The following CSMD1 variants were observed in gnomAD, a reference collection of about 807,000 sequenced individuals.
The protein encoded by CSMD1 is CUB and Sushi multiple domains 1.
Under a neutral mutation model 417.5 loss-of-function variants are expected in CSMD1, and 213 were observed. The ratio of observed to expected loss-of-function variants is 0.51; its 90% CI spans 0.46 to 0.57. The LOEUF (loss-of-function observed/expected upper bound fraction) is 0.57, where lower values mean the gene tolerates loss of function less well. Ranked by LOEUF, CSMD1 falls within the 20% of genes least tolerant of loss-of-function variation. CSMD1 has a pLI of 0.00. For synonymous variants in CSMD1, 2,862 were observed against 1,736.8 expected (o/e 1.65, Z -16.11); for missense variants, 6,923 against 4,529.7 (o/e 1.53, Z -15.17).
chr8:4,366,690 TTTTTTC>T (rs1483716594), intron 3 of CSMD1, among the ~76,000 whole-genome samples: 40 of 152,078 alleles, frequency 2.6e-4, no homozygotes, highest in African/African-American at 8.2e-4. Context: ...CTGATGAGCG[TTTTTTC>T]TTTTTCTTTT....
intron 1 of CSMD1, among the ~76,000 whole-genome samples, chr8:4,978,327 TA>T (rs1407365491): frequency 6.6e-6 from 1 of 152,124 alleles, no homozygotes; most frequent in Non-Finnish European, 1.5e-5. Flanking sequence ...CAGGACACTC[TA>T]ATCTTGGAAT....
chr8:4,159,649 C>T (rs1379950047), intron 3 of CSMD1, among the ~76,000 whole-genome samples: 7 of 152,114 alleles, frequency 4.6e-5, no homozygotes, highest in East Asian at 1.9e-4. Context: ...AGCACAGTGG[C>T]GCGATCTCGG....
At chr8:3,670,413 G>A (rs73181199) in intron 7 of CSMD1, among the ~76,000 whole-genome samples, 1 of 150,626 alleles carries the variant, frequency 6.6e-6, no homozygotes, top group Non-Finnish European at 1.5e-5. Flanking sequence ...GTGAACATGT[G>A]AGTTAAAACC....
intron 3 of CSMD1, among the ~76,000 whole-genome samples, chr8:4,077,098 C>A (rs920320740): frequency 2.0e-5 from 3 of 151,606 alleles, no homozygotes; most frequent in African/African-American, 4.8e-5. Flanking sequence ...ATATTTTAAG[C>A]CCCTACTTCA....
At chr8:4,985,001 T>C (rs905569632) in intron 1 of CSMD1, among the ~76,000 whole-genome samples, 7 of 152,130 alleles carry the variant, frequency 4.6e-5, no homozygotes, top group African/African-American at 1.7e-4. Flanking sequence ...TTGTTAAAAA[T>C]GTGATGTAGC....
chr8:3,539,793 T>C (rs1280484244), intron 10 of CSMD1, among the ~76,000 whole-genome samples: 1 of 145,120 alleles, frequency 6.9e-6, no homozygotes, highest in Non-Finnish European at 1.5e-5. Context: ...AGAAAGAAAA[T>C]GCCTACAAAA....
intron 7 of CSMD1, among the ~76,000 whole-genome samples, chr8:3,622,059 C>A (rs1796278307): frequency 6.6e-6 from 1 of 151,262 alleles, no homozygotes; most frequent in Non-Finnish European, 1.5e-5. Context: ...TACTCTACTA[C>A]TTTTCTCTTC....
At chr8:4,956,147 G>C (rs1278426339) in intron 1 of CSMD1, among the ~76,000 whole-genome samples, 1 of 152,046 alleles carries the variant, frequency 6.6e-6, no homozygotes, top group African/African-American at 2.4e-5. Context: ...GGATGACAGA[G>C]TTATCATTTT....
intron 3 of CSMD1, among the ~76,000 whole-genome samples, chr8:4,255,216 G>C (rs753047427): frequency 9.2e-5 from 14 of 152,094 alleles, no homozygotes; most frequent in Non-Finnish European, 1.9e-4. Flanking sequence ...TATAAGCAGC[G>C]CATGCAGTCC....
chr8:4,431,199 C>G (rs761163630), intron 2 of CSMD1, among the ~76,000 whole-genome samples: 4 of 151,918 alleles, frequency 2.6e-5, no homozygotes, highest in Non-Finnish European at 4.4e-5. Flanking sequence ...AGAGTTTATT[C>G]CAGGTCTGTT....
At chr8:3,606,653 C>T (rs2170478) in intron 8 of CSMD1, among the ~76,000 whole-genome samples, 126,486 of 151,602 alleles carry the variant, frequency 0.83, 53,006 homozygotes, top group Middle Eastern at 0.9. Context: ...TTTATTAATG[C>T]TTTTCTTTCT....
At chr8:4,546,760 T>C (rs1216068929) in intron 2 of CSMD1, among the ~76,000 whole-genome samples, 2 of 152,088 alleles carry the variant, frequency 1.3e-5, no homozygotes, top group African/African-American at 2.4e-5. Flanking sequence ...TGTGTATGCA[T>C]ATAAATTATA....
chr8:4,453,602 T>C (rs1005361500), intron 2 of CSMD1, among the ~76,000 whole-genome samples: 1 of 152,182 alleles, frequency 6.6e-6, no homozygotes, highest in Admixed American at 6.5e-5. Flanking sequence ...CTGCTGTGAA[T>C]CGACAGCACA....
intron 10 of CSMD1, among the ~76,000 whole-genome samples, chr8:3,571,410 T>C (rs1176332751): frequency 1.3e-5 from 2 of 152,170 alleles, no homozygotes; most frequent in African/African-American, 4.8e-5. Flanking sequence ...AGAACATATA[T>C]TGTTCTGAAC....
intron 5 of CSMD1, among the ~76,000 whole-genome samples, chr8:3,985,133 C>T (rs1814222046): frequency 6.6e-6 from 1 of 152,018 alleles, no homozygotes; most frequent in Non-Finnish European, 1.5e-5. Context: ...AGATCATGTA[C>T]TTCAGGAGAG....
chr8:4,628,362 ATGTG>A (rs899040912), intron 2 of CSMD1, among the ~76,000 whole-genome samples: 1 of 149,638 alleles, frequency 6.7e-6, no homozygotes, highest in Non-Finnish European at 1.5e-5. Flanking sequence ...ACTTCTATGT[ATGTG>A]TGTGTGTATA....
At chr8:4,712,884 G>T (rs146448937) in intron 1 of CSMD1, among the ~76,000 whole-genome samples, 1 of 152,170 alleles carries the variant, frequency 6.6e-6, no homozygotes, top group African/African-American at 2.4e-5. Flanking sequence ...CATGCCGATG[G>T]ATGGAAGAAG....
In CSMD1 at chr8:4,193,711, G is replaced by A. The variant is rs149618003; in HGVS notation, c.416-161612C>T. On this transcript the variant is annotated intron_variant, in intron 3 of 69. Coordinates refer to ENST00000635120, the MANE Select transcript of CSMD1 (RefSeq NM_033225.6). ...AAGATAAAAATCGGCATTTCAAGGC[G>A]CAGGAACCACGTCTCCACAGGAGAA... 1.6e-4 allele frequency among the ~76,000 whole-genome samples: 25 copies of A among 152,246 alleles called. No homozygotes were observed. In the East Asian group the frequency reaches 3.7e-3, roughly 22 times the overall value.
At chr8:4,114,402 C>G (rs1170429027) in intron 3 of CSMD1, among the ~76,000 whole-genome samples, 1 of 152,164 alleles carries the variant, frequency 6.6e-6, no homozygotes, top group Non-Finnish European at 1.5e-5. Context: ...AGATTCCTTT[C>G]AAAATATTAC....
Sources: gnomAD v4.1 joint callset for allele counts (sites outside exome capture counted in the v4.1 genomes callset) on GRCh38, gnomAD v4.1.1 for gene constraint, MANE v1.5 for transcripts, NCBI Gene and HGNC (gene_info 2026-07-23, HGNC 2026-07-21) for gene names.